Variants in KIF18A observed in about 807,000 individuals in gnomAD.
The protein encoded by KIF18A is kinesin-like protein KIF18A.
KIF18A carries 67 observed loss-of-function variants against 103.3 expected under a neutral mutation model. The ratio of observed to expected loss-of-function variants is 0.65; its 90% CI spans 0.53 to 0.79. KIF18A has a LOEUF of 0.79. Among genes scored for constraint, KIF18A ranks in the 30% least tolerant of loss-of-function variants. The pLI is 0.00. For missense variants in KIF18A, 1,032 were observed against 1,062.5 expected (o/e 0.97, Z 0.40); for synonymous variants, 367 against 355.5 (o/e 1.03, Z -0.36).
intron 13 of KIF18A, among the ~76,000 whole-genome samples, chr11:28,037,401 A>G (rs907022693): frequency 6.6e-6 from 1 of 151,624 alleles, no homozygotes; most frequent in Non-Finnish European, 1.5e-5. Context: ...AAAAAAATAT[A>G]CAATATAACA....
At chr11:28,071,504 TAA>T (rs1851013942) in intron 10 of KIF18A, among the ~76,000 whole-genome samples, 1 of 149,194 alleles carries the variant, frequency 6.7e-6, no homozygotes, top group Non-Finnish European at 1.5e-5. Context: ...TTTATTAATA[TAA>T]TTTTTATTAT....
intron 11 of KIF18A, among the ~76,000 whole-genome samples, chr11:28,067,930 G>A (rs969119616): frequency 2.6e-5 from 4 of 151,972 alleles, no homozygotes; most frequent in African/African-American, 9.7e-5. Context: ...TATACTCAAA[G>A]GATTATAAAT....
At chr11:28,083,531 T>C (rs1851191229) in intron 7 of KIF18A, among the ~76,000 whole-genome samples, 2 of 152,136 alleles carry the variant, frequency 1.3e-5, no homozygotes, top group Admixed American at 6.6e-5. Flanking sequence ...AATGCAGAGA[T>C]AGTTTTTCAT....
At chr11:28,096,606 G>C (rs1851378332) in intron 2 of KIF18A, among the ~76,000 whole-genome samples, 1 of 152,088 alleles carries the variant, frequency 6.6e-6, no homozygotes, top group Non-Finnish European at 1.5e-5. Flanking sequence ...TTTCATGAAA[G>C]AGGAAAAGAA....
At chr11:28,061,409 C>T (rs1241655610) in intron 12 of KIF18A, among the ~76,000 whole-genome samples, 1 of 151,970 alleles carries the variant, frequency 6.6e-6, no homozygotes, top group Non-Finnish European at 1.5e-5. Context: ...TTGAGTTAGT[C>T]TTTTTCCCCC....
intron 13 of KIF18A, among the ~76,000 whole-genome samples, chr11:28,052,342 C>A (rs1440238498): frequency 6.6e-6 from 1 of 152,022 alleles, no homozygotes; most frequent in East Asian, 1.9e-4. Flanking sequence ...ACCTACAAGG[C>A]CCTATGTGAT....
chr11:28,098,894 C>A (rs1004150780), intron 1 of KIF18A, among the ~76,000 whole-genome samples: 1 of 151,060 alleles, frequency 6.6e-6, no homozygotes, highest in African/African-American at 2.4e-5. Context: ...AAAAACCAAA[C>A]CACAAAACAA....
intron 1 of KIF18A, among the ~76,000 whole-genome samples, chr11:28,106,954 G>T (rs2133574268): frequency 6.6e-6 from 1 of 152,288 alleles, no homozygotes; most frequent in East Asian, 1.9e-4. Context: ...TTGGACCACA[G>T]AGCGAGACTC....
intron 13 of KIF18A, among the ~76,000 whole-genome samples, chr11:28,051,771 A>G (rs542542548): frequency 1.3e-4 from 20 of 152,088 alleles, no homozygotes; most frequent in Admixed American, 9.8e-4. Flanking sequence ...AATATCATCT[A>G]AATGTTAACA....
At chr11:28,043,803 C>T (rs1850594971) in intron 13 of KIF18A, among the ~76,000 whole-genome samples, 1 of 151,562 alleles carries the variant, frequency 6.6e-6, no homozygotes. Context: ...AAAATGTTAA[C>T]ACAGGTTTAT....
intron 10 of KIF18A, among the ~76,000 whole-genome samples, chr11:28,071,599 C>G (rs564017346): frequency 1.3e-5 from 2 of 151,144 alleles, no homozygotes; most frequent in East Asian, 3.9e-4. Context: ...GTTTTAATTT[C>G]TAATATAGAA....
chr11:28,098,228 C>T (rs561378065), intron 1 of KIF18A, among the ~76,000 whole-genome samples: 6 of 152,096 alleles, frequency 3.9e-5, no homozygotes, highest in East Asian at 1.9e-4. Context: ...ATGGCACATA[C>T]GTACACACAA....
At chr11:28,070,034 T>C (rs1850992171) in intron 10 of KIF18A, among the ~76,000 whole-genome samples, 1 of 152,190 alleles carries the variant, frequency 6.6e-6, no homozygotes, top group Admixed American at 6.5e-5. Flanking sequence ...TTTGATTTCT[T>C]ACCCTAAGGG....
chr11:28,094,600 A>G (rs749909681), intron 3 of KIF18A, 43 bp downstream of exon 3: 2 of 1,397,306 alleles, frequency 1.4e-6, no homozygotes, highest in Non-Finnish European at 2.0e-6. Context: ...AATCATGTCA[A>G]TGATTTCCCA....
intron 15 of KIF18A, among the ~76,000 whole-genome samples, chr11:28,033,676 G>T (rs1850440840): frequency 6.6e-6 from 1 of 151,610 alleles, no homozygotes; most frequent in Non-Finnish European, 1.5e-5. Context: ...AACTCATGGA[G>T]ATAGAGAGTA....
chr11:28,091,145 A>ATAC (rs1565089741), intron 4 of KIF18A, among the ~76,000 whole-genome samples: 5,583 of 101,184 alleles, frequency 0.055, 231 homozygotes, highest in East Asian at 0.27. Context: ...TAAATAAATA[A>ATAC]ATAAATACAT....
chr11:28,105,034 C>A (rs552806360), intron 1 of KIF18A, among the ~76,000 whole-genome samples: 34 of 151,854 alleles, frequency 2.2e-4, no homozygotes, highest in African/African-American at 8.2e-4. Flanking sequence ...AGACAAACAA[C>A]AACAACAAAA....
chr11:28,035,793 C>T (rs1268710950), intron 14 of KIF18A, among the ~76,000 whole-genome samples: 1 of 151,436 alleles, frequency 6.6e-6, no homozygotes, highest in East Asian at 1.9e-4. Flanking sequence ...GATATGTTTG[C>T]TTGGATGACA....
At chr11:28,024,603 A>G (rs1850289626) in intron 15 of KIF18A, among the ~76,000 whole-genome samples, 1 of 152,170 alleles carries the variant, frequency 6.6e-6, no homozygotes, top group African/African-American at 2.4e-5. Context: ...AAGTAAAAAT[A>G]TAGTGCCAAG....
Sources: allele counts gnomAD v4.1 joint callset (sites outside exome capture counted in the v4.1 genomes callset), GRCh38; gene constraint gnomAD v4.1.1; transcripts MANE v1.5; gene names NCBI Gene and HGNC (gene_info 2026-07-23, HGNC 2026-07-21).